Variants in STAMBPL1 observed in about 807,000 individuals in gnomAD.
STAMBPL1 encodes the protein STAM binding protein like 1, also known as AMSH-like protease.
A neutral mutation model predicts 52.9 loss-of-function variants in STAMBPL1; 44 were observed. That is an observed-to-expected ratio of 0.83 (90% CI 0.65 to 1.07). The LOEUF is 1.07. Among genes scored for constraint, STAMBPL1 ranks in the 50% least tolerant of loss-of-function variants. The pLI, the probability that STAMBPL1 is intolerant of heterozygous loss-of-function variation, is 0.00. For missense variants in STAMBPL1, 511 were observed against 520.8 expected (o/e 0.98, Z 0.18); for synonymous variants, 164 against 177.3 (o/e 0.92, Z 0.60).
chr10:88,919,955 C>T (rs545366897), intron 8 of STAMBPL1, among the ~76,000 whole-genome samples: 3 of 152,100 alleles, frequency 2.0e-5, no homozygotes, highest in Admixed American at 6.5e-5. Flanking sequence ...CTCACCTCAG[C>T]CCCCTCAAGT....
At chr10:88,893,554 C>T (rs1844739554) in intron 1 of STAMBPL1, among the ~76,000 whole-genome samples, 1 of 152,024 alleles carries the variant, frequency 6.6e-6, no homozygotes. Flanking sequence ...CCAGCCTGGC[C>T]AACATAGTGA....
At chr10:88,918,089 A>G (rs1037167754) in intron 8 of STAMBPL1, among the ~76,000 whole-genome samples, 1 of 152,094 alleles carries the variant, frequency 6.6e-6, no homozygotes, top group Non-Finnish European at 1.5e-5. Flanking sequence ...ATTAAGTTTC[A>G]TCGTGAATAT....
chr10:88,916,842 GTT>G, intron 8 of STAMBPL1, 25 bp downstream of exon 8: 4 of 1,507,288 alleles, frequency 2.7e-6, no homozygotes, highest in Admixed American at 4.2e-5. Context: ...TTGGGTTTCA[GTT>G]TTTTTGTGTG....
At chr10:88,891,476 G>A (rs987706271) in intron 1 of STAMBPL1, among the ~76,000 whole-genome samples, 7 of 151,964 alleles carry the variant, frequency 4.6e-5, no homozygotes, top group Non-Finnish European at 1.0e-4. Context: ...AAAATTAGTG[G>A]GCAATGGTAT....
At chr10:88,914,271 G>A (rs1845310942) in intron 6 of STAMBPL1, among the ~76,000 whole-genome samples, 1 of 152,108 alleles carries the variant, frequency 6.6e-6, no homozygotes. Flanking sequence ...AACATAACAT[G>A]TAAATAGTTA....
intron 6 of STAMBPL1, 107 bp downstream of exon 6, chr10:88,913,565 G>A: frequency 1.1e-6 from 1 of 911,182 alleles, no homozygotes; most frequent in South Asian, 1.6e-5. Flanking sequence ...ATTGTAGTAG[G>A]ACCCCTGCAT....
At chr10:88,903,030 G>T (rs1374737840) in intron 2 of STAMBPL1, among the ~76,000 whole-genome samples, 1 of 152,176 alleles carries the variant, frequency 6.6e-6, no homozygotes, top group Non-Finnish European at 1.5e-5. Flanking sequence ...CTCTCCAGAG[G>T]AAGGAGTCAT....
intron 2 of STAMBPL1, among the ~76,000 whole-genome samples, chr10:88,902,052 T>C (rs1251385550): frequency 6.6e-6 from 1 of 152,226 alleles, no homozygotes; most frequent in Admixed American, 6.5e-5. Flanking sequence ...TAAAGCTCTT[T>C]GTGCCTCAGC....
chr10:88,886,608 A>G (rs1793436740), intron 1 of STAMBPL1, among the ~76,000 whole-genome samples: 1 of 152,152 alleles, frequency 6.6e-6, no homozygotes, highest in African/African-American at 2.4e-5. Context: ...AGCAAGAGAT[A>G]ACTGTTAAGA....
At chr10:88,894,744 T>C (rs1355544709) in intron 1 of STAMBPL1, among the ~76,000 whole-genome samples, 4 of 152,216 alleles carry the variant, frequency 2.6e-5, no homozygotes, top group Non-Finnish European at 4.4e-5. Flanking sequence ...GAGGGAAGCA[T>C]TGTTAATGTT....
At chr10:88,895,094 C>T (rs1844779869) in intron 1 of STAMBPL1, among the ~76,000 whole-genome samples, 3 of 152,306 alleles carry the variant, frequency 2.0e-5, no homozygotes, top group South Asian at 4.1e-4. Flanking sequence ...AGGCTCATTC[C>T]ACCCTTGGGT....
intron 5 of STAMBPL1, among the ~76,000 whole-genome samples, chr10:88,911,490 C>T (rs922022955): frequency 2.0e-5 from 3 of 152,100 alleles, no homozygotes; most frequent in African/African-American, 7.2e-5. Context: ...ATCATATCAC[C>T]CAAAAGTGGT....
chr10:88,897,398 GA>G lies in STAMBPL1; in HGVS notation c.-53-4250del, dbSNP rs922114046. On this transcript the variant is annotated intron_variant, in intron 1 of 10. Transcript: ENST00000371926. The stretch of plus-strand genomic sequence containing the variant: ...CTCCTCTATAAAAGGTCAGATTAAA[GA>G]AAAAAAATGATGATGTCTTTGGAGG... Among the ~76,000 whole-genome samples, 19 of 151,906 alleles carry G rather than the reference GA, an allele frequency of 1.3e-4. No homozygotes were observed. In the East Asian group the frequency reaches 2.5e-3, roughly 20 times the overall value.
chr10:88,898,837 C>T (rs1034574707), intron 1 of STAMBPL1, among the ~76,000 whole-genome samples: 11 of 152,212 alleles, frequency 7.2e-5, no homozygotes, highest in African/African-American at 2.7e-4. Flanking sequence ...GGATAAAGTG[C>T]TAGATATTTA....
intron 1 of STAMBPL1, among the ~76,000 whole-genome samples, chr10:88,886,468 T>A (rs560250845): frequency 6.6e-6 from 1 of 152,360 alleles, no homozygotes; most frequent in South Asian, 2.1e-4. Flanking sequence ...CATTTTAAAT[T>A]TCATGAGTTT....
chr10:88,913,174 C>G lies in STAMBPL1; in HGVS notation c.494C>G (p.Ala165Gly). The part of the protein sequence containing the change: ...RLIEAERKRI[A>G]QMRQQQLESE... ...ATAGAGGCAGAAAGGAAGCGGATTG[C>G]TCAGATGCGCCAGCAGCAGCTAGAA... The change falls in exon 6 of 11, where the codon GCT becomes GGT. Residue 165 changes from alanine to glycine, a missense_variant. By Grantham distance (60) the Ala-to-Gly change is moderately conservative (BLOSUM62 0). Coordinates refer to ENST00000371926, the MANE Select transcript of STAMBPL1 (RefSeq NM_020799.4). 1 of 1,613,734 alleles carries G rather than the reference C, an allele frequency of 6.2e-7. No homozygotes were observed. Among genetic ancestry groups the G allele is most frequent in the Non-Finnish European group, 8.5e-7 (1 of 1,179,798 alleles).
intron 4 of STAMBPL1, among the ~76,000 whole-genome samples, chr10:88,909,846 C>T (rs371855123): frequency 1.3e-5 from 2 of 152,304 alleles, no homozygotes; most frequent in South Asian, 4.1e-4. Flanking sequence ...AGTGATCCAC[C>T]TGCCTCTGCC....
chr10:88,898,308 T>C (rs1253666978), intron 1 of STAMBPL1, among the ~76,000 whole-genome samples: 1 of 152,232 alleles, frequency 6.6e-6, no homozygotes, highest in East Asian at 1.9e-4. Flanking sequence ...AAGATTGATA[T>C]TTAAAAAGTC....
intron 1 of STAMBPL1, among the ~76,000 whole-genome samples, chr10:88,886,933 C>A (rs1179947409): frequency 6.6e-6 from 1 of 152,170 alleles, no homozygotes; most frequent in Admixed American, 6.5e-5. Flanking sequence ...TTCTATTTAT[C>A]CTGTCACTAC....
Sources: gnomAD v4.1 joint callset for allele counts (sites outside exome capture counted in the v4.1 genomes callset) on GRCh38, gnomAD v4.1.1 for gene constraint, MANE v1.5 for transcripts, NCBI Gene and HGNC (gene_info 2026-07-23, HGNC 2026-07-21) for gene names.